Variants in GRID2 observed in about 807,000 individuals in gnomAD.
GRID2 encodes glutamate receptor ionotropic, delta-2.
In GRID2, 33 loss-of-function variants were observed where a neutral mutation model predicts 114.8. The ratio of observed to expected loss-of-function variants is 0.29; its 90% CI spans 0.22 to 0.38. The LOEUF is 0.38. Ranked by LOEUF, GRID2 falls within the 10% of genes least tolerant of loss-of-function variation. The pLI is 1.00. For missense variants in GRID2, 1,184 were observed against 1,257.7 expected (o/e 0.94, Z 0.89); for synonymous variants, 505 against 449.9 (o/e 1.12, Z -1.55).
chr4:93,769,178 T>C, intron 14 of GRID2, 32 bp from the exon 15 acceptor site: 1 of 1,610,740 alleles, frequency 6.2e-7, no homozygotes, highest in Non-Finnish European at 8.5e-7. Flanking sequence ...ACTATGTCTG[T>C]AATAACACAT....
At chr4:93,491,402 T>C (rs1726993219) in intron 12 of GRID2, among the ~76,000 whole-genome samples, 1 of 151,836 alleles carries the variant, frequency 6.6e-6, no homozygotes, top group African/African-American at 2.4e-5. Flanking sequence ...TCCTAAAAGT[T>C]ACCTAAGCCA....
intron 2 of GRID2, among the ~76,000 whole-genome samples, chr4:93,007,721 A>T (rs1228092737): frequency 2.0e-5 from 3 of 152,022 alleles, no homozygotes; most frequent in African/African-American, 7.2e-5. Context: ...ACAAATTAGA[A>T]TTTTGCAGTT....
chr4:93,332,289 TGTGTGTGTGTGA>T (rs1758562852), intron 8 of GRID2, among the ~76,000 whole-genome samples: 1 of 110,714 alleles, frequency 9.0e-6, no homozygotes, highest in South Asian at 3.2e-4. Context: ...TGTGTGTGTG[TGTGTGTGTGTGA>T]GAGAGAGAGA....
At chr4:93,283,818 C>T (rs1329362355) in intron 8 of GRID2, among the ~76,000 whole-genome samples, 1 of 152,100 alleles carries the variant, frequency 6.6e-6, no homozygotes, top group Non-Finnish European at 1.5e-5. Context: ...CTGAACTTCA[C>T]TACTCTTTCA....
intron 1 of GRID2, among the ~76,000 whole-genome samples, chr4:92,336,105 T>C (rs1044339362): frequency 6.6e-6 from 1 of 152,192 alleles, no homozygotes; most frequent in Non-Finnish European, 1.5e-5. Context: ...GTTATACAAG[T>C]ACATATGTGC....
intron 13 of GRID2, among the ~76,000 whole-genome samples, chr4:93,622,677 T>C (rs1414545676): frequency 6.6e-6 from 1 of 152,176 alleles, no homozygotes; most frequent in African/African-American, 2.4e-5. Flanking sequence ...ACCTCATGGT[T>C]TGGTTGGGGT....
In GRID2 at chr4:93,772,294, T is replaced by A. The variant is rs748775067; in HGVS notation, c.2820T>A (p.Leu940=). The change falls in exon 16 of 16, where the codon CTT becomes CTA. Residue 940 remains leucine, a synonymous_variant. Coordinates refer to ENST00000282020, the MANE Select transcript of GRID2 (RefSeq NM_001510.4). The part of the protein sequence containing the change: ...TTFIPEQIQT[L]SRTLSAKAAS... ...TTATCCCAGAGCAGATCCAGACTCTTAGCCGCACACTGTCAGCTAAAGCTG... is the reference window on the plus strand; with the variant it reads ...TTATCCCAGAGCAGATCCAGACTCTAAGCCGCACACTGTCAGCTAAAGCTG... The A allele has an allele frequency of 4.3e-6, 7 of 1,614,158 alleles. No individual in the cohort carries two copies. In the South Asian group the frequency reaches 7.7e-5, roughly 18 times the overall value.
At chr4:93,507,914 G>T (rs1235561494) in intron 12 of GRID2, among the ~76,000 whole-genome samples, 1 of 152,046 alleles carries the variant, frequency 6.6e-6, no homozygotes, top group African/African-American at 2.4e-5. Flanking sequence ...CCAGCTGATT[G>T]TGTTACAGAG....
chr4:93,294,624 T>A (rs988747042), intron 8 of GRID2, among the ~76,000 whole-genome samples: 1 of 152,048 alleles, frequency 6.6e-6, no homozygotes, highest in East Asian at 2.0e-4. Context: ...AGTGGTGTGA[T>A]CTCGGCTCAC....
chr4:92,485,914 G>C (rs1164932607), intron 1 of GRID2, among the ~76,000 whole-genome samples: 4 of 151,766 alleles, frequency 2.6e-5, no homozygotes, highest in Non-Finnish European at 5.9e-5. Flanking sequence ...AACAAGATTT[G>C]AAATTGTAGA....
intron 13 of GRID2, among the ~76,000 whole-genome samples, chr4:93,616,126 G>C (rs1381498215): frequency 2.0e-5 from 3 of 151,912 alleles, no homozygotes; most frequent in African/African-American, 7.3e-5. Context: ...CACATTTTGA[G>C]GTAACTGAAA....
At chr4:93,481,238 T>C (rs1376125161) in intron 11 of GRID2, among the ~76,000 whole-genome samples, 2 of 152,038 alleles carry the variant, frequency 1.3e-5, no homozygotes, top group Non-Finnish European at 2.9e-5. Context: ...TGTCAAGTTA[T>C]TGAAAAGCAT....
At chr4:93,727,154 C>A (rs912282330) in intron 14 of GRID2, among the ~76,000 whole-genome samples, 4 of 152,012 alleles carry the variant, frequency 2.6e-5, no homozygotes, top group Non-Finnish European at 5.9e-5. Flanking sequence ...TTTTGAGATA[C>A]GTCCCATCAA....
chr4:92,994,734 A>T (rs1277991935), intron 2 of GRID2, among the ~76,000 whole-genome samples: 1 of 152,182 alleles, frequency 6.6e-6, no homozygotes, highest in Non-Finnish European at 1.5e-5. Flanking sequence ...ACTCAAGTTG[A>T]TGAAAGGCCA....
intron 14 of GRID2, among the ~76,000 whole-genome samples, chr4:93,746,961 C>T (rs956285972): frequency 5.9e-5 from 9 of 151,802 alleles, no homozygotes; most frequent in Admixed American, 5.9e-4. Flanking sequence ...TTTTTTCACT[C>T]TTGTCTTTTT....
chr4:93,394,672 A>AT (rs762687034), intron 8 of GRID2, among the ~76,000 whole-genome samples: 1 of 151,976 alleles, frequency 6.6e-6, no homozygotes, highest in Non-Finnish European at 1.5e-5. Flanking sequence ...GATCTGTTAC[A>AT]TTTTTAAGTG....
At chr4:92,430,708 T>C (rs2110339960) in intron 1 of GRID2, among the ~76,000 whole-genome samples, 1 of 152,304 alleles carries the variant, frequency 6.6e-6, no homozygotes, top group East Asian at 1.9e-4. Flanking sequence ...GTATGGACTT[T>C]TAAACAATAT....
intron 13 of GRID2, among the ~76,000 whole-genome samples, chr4:93,614,300 C>A (rs1741348052): frequency 6.6e-6 from 1 of 152,120 alleles, no homozygotes. Context: ...GAGCTGTAGA[C>A]CGGAGCTGTT....
intron 2 of GRID2, among the ~76,000 whole-genome samples, chr4:93,069,749 T>A (rs1218702571): frequency 6.6e-6 from 1 of 152,096 alleles, no homozygotes; most frequent in Non-Finnish European, 1.5e-5. Flanking sequence ...CTGCCTTTAA[T>A]GCCTGAAGAA....
Sources: allele counts gnomAD v4.1 joint callset (sites outside exome capture counted in the v4.1 genomes callset), GRCh38; gene constraint gnomAD v4.1.1; transcripts MANE v1.5; gene names NCBI Gene and HGNC (gene_info 2026-07-23, HGNC 2026-07-21).